ITGAX: variants seen among roughly 807,000 people sequenced by gnomAD.
ITGAX encodes integrin subunit alpha X.
A neutral mutation model predicts 140.2 loss-of-function variants in ITGAX; 99 were observed. The ratio of observed to expected loss-of-function variants is 0.71; its 90% confidence interval spans 0.60 to 0.83. ITGAX has a LOEUF of 0.83. Ranked by LOEUF, ITGAX falls within the 40% of genes least tolerant of loss-of-function variation. The pLI is 0.00. For synonymous variants in ITGAX, 631 were observed against 600.4 expected, an observed-to-expected ratio of 1.05 and a Z score of -0.75; for missense variants, 1,444 against 1,482.0, an observed-to-expected ratio of 0.97 and a Z score of 0.42.
In ITGAX at chr16:31,371,802, C is replaced by G; in HGVS notation, c.2160+18C>G. 1 of 1,612,042 alleles carries G rather than the reference C, an allele frequency of 6.2e-7. No individual in the cohort carries two copies. Among genetic ancestry groups the G allele is most frequent in the Non-Finnish European group, 8.5e-7 (1 of 1,179,146 alleles). On this transcript the variant is annotated intron_variant, in intron 17 of 29. Coordinates refer to ENST00000268296, the MANE Select transcript of ITGAX (RefSeq NM_000887.5). ...TGCTCCCGGTGCGTCTGGGCATGAA[C>G]GTGGGTGGCGGCCGCGCTGGGGCTG...
rs2080989187 is a variant in ITGAX at position 31,373,235 on chromosome 16, C to T, written c.2367-14C>T. 1 of 1,504,734 alleles carries T rather than the reference C, an allele frequency of 6.6e-7. No individual in the cohort carries two copies. Among genetic ancestry groups the T allele is most frequent in the Admixed American group, 1.8e-5 (1 of 55,718 alleles). The allele number at this position is 1,504,734 out of a possible 1,614,324, so 93.2% of individuals were successfully genotyped here. A position where few individuals can be genotyped will look rare whatever the true frequency, so the allele number is the denominator to read the frequency against. ...CACAGAATCATCTTCTCCTTTCCTT[C>T]ACCTGATACCCAGCTTGAAGTCCCT... On this transcript the variant is annotated splice_polypyrimidine_tract_variant and intron_variant, in intron 19 of 29. Transcript: ENST00000268296.
intron 20 of ITGAX, among the ~76,000 whole-genome samples, chr16:31,374,957 G>A (rs971448512): frequency 6.6e-6 from 1 of 152,242 alleles, no homozygotes; most frequent in Non-Finnish European, 1.5e-5. Flanking sequence ...GAGTAGATTA[G>A]TTATTTCAGG....
chr16:31,355,838 C>T, intron 1 of ITGAX, 55 bp from the exon 2 acceptor site: 1 of 1,383,894 alleles, frequency 7.2e-7, no homozygotes, highest in Non-Finnish European at 1.0e-6. Context: ...GGGTGGAGGG[C>T]AGCCAGGCAG....
intron 14 of ITGAX, among the ~76,000 whole-genome samples, chr16:31,366,374 C>A (rs1191429666): frequency 1.3e-5 from 2 of 152,224 alleles, no homozygotes; most frequent in Non-Finnish European, 2.9e-5. Flanking sequence ...GACTGCTCCA[C>A]CACTGATAGC....
At chr16:31,368,603 ATTTT>A (rs566580108) in intron 14 of ITGAX, among the ~76,000 whole-genome samples, 39 of 148,956 alleles carry the variant, frequency 2.6e-4, no homozygotes, top group South Asian at 6.4e-4. Context: ...TTTTTTATTT[ATTTT>A]TTTATTTTTT....
Position 31,377,023 on chromosome 16 carries a change from C to T in ITGAX, c.2649C>T (p.Asp883=), listed in dbSNP as rs774934113. The T allele has an allele frequency of 1.2e-5, 20 of 1,614,062 alleles. No individual in the cohort carries two copies. The highest frequency in any genetic ancestry group is 8.0e-5 in the African/African-American group (6 of 74,930). ...AGATCACCTTCTTGGCTACCTTTGA[C>T]GTCTCCCCCAAGGCTGTCCTGGGAG... The part of the protein sequence containing the change: ...GAQITFLATF[D]VSPKAVLGDR... Residue 883 remains aspartate (D), a synonymous_variant, in exon 22 of 30, where the codon GAC becomes GAT. Coordinates refer to ENST00000268296, the MANE Select transcript of ITGAX (RefSeq NM_000887.5).
chr16:31,380,410 C>A (rs757184900), intron 27 of ITGAX, 31 bp downstream of exon 27: 38 of 1,611,984 alleles, frequency 2.4e-5, no homozygotes, highest in Middle Eastern at 1.6e-4. Flanking sequence ...AGCCCCTGCC[C>A]CAGACTCAGG....
chr16:31,371,298 C>T lies in ITGAX; in HGVS notation c.1842-36C>T, dbSNP rs777488641. On this transcript the variant is annotated intron_variant, in intron 15 of 29. Coordinates refer to ENST00000268296, the MANE Select transcript of ITGAX (RefSeq NM_000887.5). ...CACCCCACGTGGTGCTCCCAGGAGC[C>T]GACGGCCTGTCCTCAGCTCGGTGCT... 1.4e-4 allele frequency: 222 copies of T among 1,610,628 alleles called. No homozygotes were observed. In the Admixed American group the frequency reaches 2.6e-3, roughly 19 times the overall value.
In ITGAX at chr16:31,368,736, C is replaced by T. The variant is rs1051861362; in HGVS notation, c.1711-2348C>T. ...AGTGAACAAAGGTCTCTGGTTTTCCCAGGCAGAGGACCCTGCGGCCTTCCG... is the reference window on the plus strand; with the variant it reads ...AGTGAACAAAGGTCTCTGGTTTTCCTAGGCAGAGGACCCTGCGGCCTTCCG... On this transcript the variant is annotated intron_variant, in intron 14 of 29. Transcript: ENST00000268296. 3.3e-5 allele frequency among the ~76,000 whole-genome samples: 5 copies of T among 151,690 alleles called. No homozygotes were observed. The East Asian group carries it at 5.8e-4, about 18-fold the overall frequency.
intron 29 of ITGAX, among the ~76,000 whole-genome samples, 189 bp downstream of exon 29, chr16:31,381,196 A>G (rs2081066441): frequency 6.6e-6 from 1 of 152,078 alleles, no homozygotes; most frequent in Non-Finnish European, 1.5e-5. Flanking sequence ...GCTTCCTCTA[A>G]TATTTCTCCC....
chr16:31,380,667 C>T, intron 28 of ITGAX, 43 bp downstream of exon 28: 1 of 1,608,114 alleles, frequency 6.2e-7, no homozygotes, highest in Non-Finnish European at 8.5e-7. Context: ...GGAAAGAGGG[C>T]CCCTAGGGCT....
At chr16:31,376,700 CTT>C in intron 20 of ITGAX, 97 bp from the exon 21 acceptor site, 1 of 1,087,048 alleles carries the variant, frequency 9.2e-7, no homozygotes, top group Non-Finnish European at 1.4e-6. Flanking sequence ...CGTGGCGTGT[CTT>C]TGGAATGCTG....
At chr16:31,356,562 CG>C in intron 2 of ITGAX, 62 bp from the exon 3 acceptor site, 1 of 1,177,666 alleles carries the variant, frequency 8.5e-7, no homozygotes, top group Non-Finnish European at 1.2e-6. Flanking sequence ...GCAAACTTGC[CG>C]GAGTGGCAGC....
At chr16:31,360,646 A>G (rs1273118746) in intron 8 of ITGAX, 183 bp downstream of exon 8, 3 of 599,474 alleles carry the variant, frequency 5.0e-6, no homozygotes, top group East Asian at 2.9e-5. Context: ...CAGCCTCCCC[A>G]GTAGCTGGGA....
intron 23 of ITGAX, among the ~76,000 whole-genome samples, chr16:31,377,469 C>T (rs989279258): frequency 1.3e-5 from 2 of 152,202 alleles, no homozygotes; most frequent in African/African-American, 4.8e-5. Flanking sequence ...GGTTATTTTC[C>T]ATACATTCAT....
At chr16:31,377,378 T>G (rs1242064687) in intron 23 of ITGAX, 113 bp downstream of exon 23, 24 of 836,308 alleles carry the variant, frequency 2.9e-5, no homozygotes, top group Non-Finnish European at 4.1e-5. Flanking sequence ...TGTTTGAAAC[T>G]AAAAGGTCAG....
chr16:31,382,228 C>CTTTTTTTTTTTTTTTTTTCTTTTTT lies in ITGAX; in HGVS notation c.*336_*337insTTTCTTTTTTTTTTTTTTTTTTTTT. 1.1e-6 allele frequency: 1 copy of CTTTTTTTTTTTTTTTTTTCTTTTTT among 902,772 alleles called. No homozygotes were observed. Among genetic ancestry groups the CTTTTTTTTTTTTTTTTTTCTTTTTT allele is most frequent in the Non-Finnish European group, 1.4e-6 (1 of 702,490 alleles). 55.9% of individuals were successfully genotyped at this position (902,772 alleles called of 1,614,324 possible). On this transcript the variant is annotated 3_prime_UTR_variant, in exon 30 of 30. Coordinates refer to ENST00000268296, the MANE Select transcript of ITGAX (RefSeq NM_000887.5). Reference sequence around the variant, plus strand: ...GGCACGAATGATCTTTCTTTCCTTTCTTTTTTTTTTTTTTTCTTTTCTTTT... The same window carrying CTTTTTTTTTTTTTTTTTTCTTTTTT: ...GGCACGAATGATCTTTCTTTCCTTTCTTTTTTTTTTTTTTTTTTCTTTTTTTTTTTTTTTTTTTTTCTTTTCTTTT...
intron 20 of ITGAX, among the ~76,000 whole-genome samples, chr16:31,374,516 T>C (rs898671772): frequency 1.3e-5 from 2 of 152,284 alleles, no homozygotes; most frequent in Admixed American, 6.5e-5. Context: ...TTCAGCTTAC[T>C]GTAGCCTTGA....
intron 14 of ITGAX, among the ~76,000 whole-genome samples, chr16:31,364,696 A>G (rs1183210897): frequency 2.6e-5 from 4 of 152,046 alleles, no homozygotes; most frequent in Non-Finnish European, 5.9e-5. Flanking sequence ...CTGCTTTGGA[A>G]ATCAGCATGG....
Sources: allele counts gnomAD v4.1 joint callset (sites outside exome capture counted in the v4.1 genomes callset), GRCh38; gene constraint gnomAD v4.1.1; transcripts MANE v1.5; gene names NCBI Gene and HGNC (gene_info 2026-07-23, HGNC 2026-07-21).